The following GALNTL6 variants were observed in gnomAD, a reference collection of about 807,000 sequenced individuals.
GALNTL6 encodes the protein polypeptide N-acetylgalactosaminyltransferase-like 6.
In GALNTL6, 46 loss-of-function variants were observed where a neutral mutation model predicts 73.7. That is an observed-to-expected ratio of 0.62 (90% CI 0.49 to 0.80). GALNTL6 has a LOEUF of 0.80. Ranked by LOEUF, GALNTL6 falls within the 30% of genes least tolerant of loss-of-function variation. GALNTL6 has a pLI of 0.00. For missense variants in GALNTL6, 604 were observed against 755.0 expected (o/e 0.80, Z 2.34); for synonymous variants, 259 against 263.7 (o/e 0.98, Z 0.17).
At chr4:172,968,401 T>C (rs1319340213) in intron 10 of GALNTL6, among the ~76,000 whole-genome samples, 3 of 152,040 alleles carry the variant, frequency 2.0e-5, no homozygotes, top group Non-Finnish European at 2.9e-5. Context: ...AAAGAGACCA[T>C]AGGGAACCAG....
chr4:172,972,738 G>A (rs898248278), intron 10 of GALNTL6, among the ~76,000 whole-genome samples: 1 of 152,208 alleles, frequency 6.6e-6, no homozygotes, highest in Admixed American at 6.5e-5. Context: ...TGGAGGTCAT[G>A]TCAAAAGGAC....
In GALNTL6 at chr4:171,945,791, T is replaced by C. The variant is rs553231984; in HGVS notation, c.138+131073T>C. Among the ~76,000 whole-genome samples the C allele has an allele frequency of 4.5e-4, 68 of 152,298 alleles. 1 individual carries two copies. In the East Asian group the frequency reaches 0.012, roughly 27 times the overall value. ...TTTAATTGTTTTTCAGTCTGGCTTT[T>C]GATATCAGGCTCAAAATTTGCTTGC... On this transcript the variant is annotated intron_variant, in intron 2 of 12. Transcript: ENST00000506823.
At chr4:172,160,734 A>G (rs530825326) in intron 2 of GALNTL6, among the ~76,000 whole-genome samples, 6 of 151,920 alleles carry the variant, frequency 3.9e-5, no homozygotes, top group Admixed American at 3.3e-4. Flanking sequence ...TATTATAGGG[A>G]TATATAAATT....
intron 3 of GALNTL6, among the ~76,000 whole-genome samples, chr4:172,277,083 TTAAATG>T (rs1488906601): frequency 6.6e-6 from 1 of 152,182 alleles, no homozygotes; most frequent in Non-Finnish European, 1.5e-5. Flanking sequence ...TGTCTATCTC[TTAAATG>T]TTGATACTAC....
chr4:172,888,443 A>G (rs1233858776), intron 8 of GALNTL6, among the ~76,000 whole-genome samples: 1 of 152,186 alleles, frequency 6.6e-6, no homozygotes, highest in East Asian at 1.9e-4. Context: ...TTGAATAGGA[A>G]GTCCTTTTCC....
At chr4:172,873,131 C>T (rs1204987637) in intron 7 of GALNTL6, among the ~76,000 whole-genome samples, 1 of 152,230 alleles carries the variant, frequency 6.6e-6, no homozygotes, top group African/African-American at 2.4e-5. Context: ...GATTGGCCTT[C>T]CAGGAGCATC....
At chr4:172,312,620 A>G (rs796333321) in intron 4 of GALNTL6, among the ~76,000 whole-genome samples, 1 of 152,206 alleles carries the variant, frequency 6.6e-6, no homozygotes, top group African/African-American at 2.4e-5. Context: ...TCAAGGAAAA[A>G]AAATCAGGGC....
chr4:172,401,638 T>G (rs1321490490), intron 5 of GALNTL6, among the ~76,000 whole-genome samples: 1 of 152,084 alleles, frequency 6.6e-6, no homozygotes, highest in African/African-American at 2.4e-5. Flanking sequence ...TCCTATAAAT[T>G]TATGACCTTA....
chr4:172,228,334 G>C (rs1359878054), intron 2 of GALNTL6, among the ~76,000 whole-genome samples: 1 of 150,890 alleles, frequency 6.6e-6, no homozygotes, highest in Non-Finnish European at 1.5e-5. Flanking sequence ...CTTTTTTTCT[G>C]AGCTCACCAA....
chr4:172,701,840 A>G (rs1481163359), intron 5 of GALNTL6, among the ~76,000 whole-genome samples: 2 of 152,136 alleles, frequency 1.3e-5, no homozygotes, highest in African/African-American at 4.8e-5. Flanking sequence ...ATGTAAATAA[A>G]TAAATAAATA....
chr4:172,222,953 G>A (rs1456403583), intron 2 of GALNTL6, among the ~76,000 whole-genome samples: 1 of 151,906 alleles, frequency 6.6e-6, no homozygotes, highest in African/African-American at 2.4e-5. Context: ...ACATAAACCA[G>A]CACAATATGT....
chr4:172,678,873 G>T (rs1379148968), intron 5 of GALNTL6, among the ~76,000 whole-genome samples: 1 of 152,082 alleles, frequency 6.6e-6, no homozygotes, highest in African/African-American at 2.4e-5. Flanking sequence ...GTGATTTCAT[G>T]GTCTAAAGTA....
rs544679608 is a variant in GALNTL6, at chr4:172,146,151, C to CAA, written c.139-83504_139-83503insAA. 1.7e-3 allele frequency among the ~76,000 whole-genome samples: 252 copies of CAA among 152,288 alleles called. 1 individual carries two copies. Among genetic ancestry groups the CAA allele is most frequent in the African/African-American group, 5.5e-3 (228 of 41,570 alleles). On this transcript the variant is annotated intron_variant, in intron 2 of 12. Coordinates refer to ENST00000506823, the MANE Select transcript of GALNTL6 (RefSeq NM_001034845.3). ...AAGGAAGAATAGAATTCCCTTATTA[C>CAA]ATCTGCTGTTTATCAAGTGTCTAGC... is the stretch of plus-strand genomic sequence containing the variant.
At chr4:171,923,285 T>C (rs1737849918) in intron 2 of GALNTL6, among the ~76,000 whole-genome samples, 1 of 152,142 alleles carries the variant, frequency 6.6e-6, no homozygotes, top group Non-Finnish European at 1.5e-5. Context: ...AAGAATGTAC[T>C]GTGGCACTGG....
chr4:172,402,454 G>A (rs898916443), intron 5 of GALNTL6, among the ~76,000 whole-genome samples: 3 of 152,030 alleles, frequency 2.0e-5, no homozygotes, highest in Non-Finnish European at 2.9e-5. Context: ...CACTTAAAGC[G>A]TAATTTTAAA....
intron 2 of GALNTL6, among the ~76,000 whole-genome samples, chr4:172,191,427 A>G (rs1055924966): frequency 2.0e-5 from 3 of 152,180 alleles, no homozygotes; most frequent in Admixed American, 2.0e-4. Flanking sequence ...ATCTATGTAG[A>G]ACAAGGTGGT....
intron 5 of GALNTL6, among the ~76,000 whole-genome samples, chr4:172,795,887 TAAAC>T (rs1740234277): frequency 6.6e-6 from 1 of 151,758 alleles, no homozygotes; most frequent in African/African-American, 2.4e-5. Flanking sequence ...TGTGTGCAGG[TAAAC>T]AATCTAAATC....
chr4:172,358,786 G>T (rs950037971), intron 5 of GALNTL6, among the ~76,000 whole-genome samples: 4 of 141,588 alleles, frequency 2.8e-5, no homozygotes, highest in Non-Finnish European at 6.0e-5. Context: ...CAAATTTTAG[G>T]TTCCAAACTT....
At chr4:171,828,486 C>A (rs751750852) in intron 2 of GALNTL6, among the ~76,000 whole-genome samples, 1 of 152,138 alleles carries the variant, frequency 6.6e-6, no homozygotes, top group African/African-American at 2.4e-5. Context: ...TGATACGTAC[C>A]GTAGATGGAA....
Sources: allele counts gnomAD v4.1 joint callset (sites outside exome capture counted in the v4.1 genomes callset), GRCh38; gene constraint gnomAD v4.1.1; transcripts MANE v1.5; gene names NCBI Gene and HGNC (gene_info 2026-07-23, HGNC 2026-07-21).